The following ZNF616 variants were observed in gnomAD, a reference collection of about 807,000 sequenced individuals.
ZNF616 encodes zinc finger protein 616.
In ZNF616, 5 loss-of-function variants were observed where a neutral mutation model predicts 7.6. The ratio of observed to expected loss-of-function variants is 0.66; its 90% CI spans 0.34 to 1.38. ZNF616 has a LOEUF of 1.38. ZNF616 is among the 40% of genes most tolerant of loss of function. The pLI is 0.04. For missense variants in ZNF616, 913 were observed against 948.3 expected (o/e 0.96, Z 0.49); for synonymous variants, 319 against 317.2 (o/e 1.01, Z -0.06).
At chr19:52,126,092 T>G (rs1156976907) in intron 2 of ZNF616, among the ~76,000 whole-genome samples, 3 of 152,156 alleles carry the variant, frequency 2.0e-5, no homozygotes, top group Admixed American at 2.0e-4. Flanking sequence ...GGCAGCTGAT[T>G]TTTTCAAATG....
chr19:52,115,037 T>C lies in ZNF616; in HGVS notation c.2127A>G (p.Arg709=), dbSNP rs2088805414. ...TGTATCTTTTCTCTCCAGTGTGGAT[T>C]CTCTGGTGACTTACAAGATGTGAAC... ...RHSSHLVSHQ[R]IHTGEKRYKC... is the part of the protein sequence containing the mutation. Residue 709 remains arginine (R), a synonymous_variant, in exon 4 of 4, where the codon AGA becomes AGG. Coordinates refer to ENST00000600228, the MANE Select transcript of ZNF616 (RefSeq NM_178523.5). 1 of 1,614,056 alleles carries C rather than the reference T, an allele frequency of 6.2e-7. No homozygotes were observed. Among genetic ancestry groups the C allele is most frequent in the South Asian group, 1.1e-5 (1 of 91,090 alleles).
chr19:52,135,348 C>T (rs901249391), intron 1 of ZNF616, among the ~76,000 whole-genome samples: 2 of 152,186 alleles, frequency 1.3e-5, no homozygotes, highest in African/African-American at 4.8e-5. Context: ...CCCTTGAACA[C>T]TGGCACCACC....
In ZNF616 at chr19:52,114,582, A is replaced by G. The variant is rs777937855; in HGVS notation, c.*236T>C. On this transcript the variant is annotated 3_prime_UTR_variant, in exon 4 of 4. Transcript: ENST00000600228. ...GGCAAGCGACAGGGAAGTGCTATGC[A>G]CTTCTAAACAGCCAGACCTCAAGAG... The G allele has an allele frequency of 3.1e-5, 14 of 458,812 alleles. No individual in the cohort carries two copies. The highest frequency in any genetic ancestry group is 5.3e-5 in the Non-Finnish European group (14 of 261,690). 28.4% of individuals were successfully genotyped at this position (458,812 alleles called of 1,614,324 possible).
chr19:52,129,383 A>C (rs2088938115), intron 2 of ZNF616, among the ~76,000 whole-genome samples: 1 of 152,188 alleles, frequency 6.6e-6, no homozygotes, highest in African/African-American at 2.4e-5. Context: ...TTACCAAAAA[A>C]ACAAATATAT....
intron 3 of ZNF616, among the ~76,000 whole-genome samples, chr19:52,120,975 C>T (rs1221541652): frequency 6.6e-6 from 1 of 152,192 alleles, no homozygotes; most frequent in Non-Finnish European, 1.5e-5. Context: ...CAACGCATCT[C>T]CCAAAAACAG....
Position 52,114,557 on chromosome 19 carries a change from G to T in ZNF616, c.*261C>A. 1 of 362,164 alleles carries T rather than the reference G, an allele frequency of 2.8e-6. No homozygotes were observed. Among genetic ancestry groups the T allele is most frequent in the Non-Finnish European group, 5.0e-6 (1 of 201,172 alleles). The allele number at this position is 362,164 out of a possible 1,614,324, so 22.4% of individuals were successfully genotyped here. On this transcript the variant is annotated 3_prime_UTR_variant, in exon 4 of 4. Coordinates refer to ENST00000600228, the MANE Select transcript of ZNF616 (RefSeq NM_178523.5). ...CGGTATTTCACATGGTGAGAATGAG[G>T]GCAAGCGACAGGGAAGTGCTATGCA...
rs115040162 is a variant in ZNF616 at position 52,116,967 on chromosome 19, C to A, written c.197G>T (p.Gly66Val). 1 of 1,611,618 alleles carries A rather than the reference C, an allele frequency of 6.2e-7. No homozygotes were observed. The highest frequency in any genetic ancestry group is 1.3e-5 in the African/African-American group (1 of 74,896). ...CAGTGCCACTGTTTGGAACCTTTCT[C>A]CTGTATTACTGTTCTCTGTTGGTGG... ...ELPPTENSNT[G>V]ERFQTVALER... The change falls in exon 4 of 4, where the codon GGA becomes GTA. Residue 66 changes from glycine (G) to valine (V), a missense_variant. Physicochemically the swap from Gly to Val is moderately radical, Grantham distance 109. Transcript: ENST00000600228.
In ZNF616 at chr19:52,116,492, C is replaced by T; in HGVS notation, c.672G>A (p.Arg224=). Residue 224 remains arginine, a synonymous_variant, in exon 4 of 4, where the codon CGG becomes CGA. Coordinates refer to ENST00000600228, the MANE Select transcript of ZNF616 (RefSeq NM_178523.5). ...KCNECGKAFH[R]ASLLTVHKVV... is the part of the protein sequence containing the mutation. ...CCTTGTGTACAGTTAGTAGTGAGGC[C>T]CGATGAAAGGCTTTGCCACACTCAT... 1 of 1,613,912 alleles carries T rather than the reference C, an allele frequency of 6.2e-7. No individual in the cohort carries two copies. Among genetic ancestry groups the T allele is most frequent in the Middle Eastern group, 1.6e-4 (1 of 6,062 alleles).
At position 52,132,129 on chromosome 19, in the gene ZNF616, A is replaced by T. The variant is rs550657196; in HGVS notation, c.-76-1541T>A. On this transcript the variant is annotated intron_variant, in intron 1 of 3. Coordinates refer to ENST00000600228, the MANE Select transcript of ZNF616 (RefSeq NM_178523.5). ...TTTTAGGTAAATGTAACTTTTCTTT[A>T]TCATTTGAATTAAAACCCTTCTATA... 3.3e-5 allele frequency among the ~76,000 whole-genome samples: 5 copies of T among 152,316 alleles called. No individual in the cohort carries two copies. The East Asian group carries it at 9.6e-4, about 29-fold the overall frequency.
In ZNF616 at chr19:52,133,821, C is replaced by T. The variant is rs547333320; in HGVS notation, c.-76-3233G>A. On this transcript the variant is annotated intron_variant, in intron 1 of 3. Transcript: ENST00000600228. ...AGCCACCACGTCTGGCCCCATCACC[C>T]GGGTATTAAGCCTAATGTCTATTAG... Among the ~76,000 whole-genome samples, 71 of 152,134 alleles carry T rather than the reference C, an allele frequency of 4.7e-4. 1 individual carries two copies. Among genetic ancestry groups the T allele is most frequent in the Middle Eastern group, 3.4e-3 (1 of 294 alleles).
intron 1 of ZNF616, among the ~76,000 whole-genome samples, chr19:52,135,845 T>C (rs1232176595): frequency 6.6e-6 from 1 of 152,138 alleles, no homozygotes; most frequent in Non-Finnish European, 1.5e-5. Context: ...TCTTTGATGT[T>C]GGGCCGGGCA....
At chr19:52,137,816 C>A (rs73934993) in intron 1 of ZNF616, among the ~76,000 whole-genome samples, 1,767 of 152,226 alleles carry the variant, frequency 0.012, 38 homozygotes, top group African/African-American at 0.04. Context: ...ATGACATCAG[C>A]TGATTACAGG....
chr19:52,119,681 A>G (rs905042448), intron 3 of ZNF616, among the ~76,000 whole-genome samples: 11 of 152,168 alleles, frequency 7.2e-5, no homozygotes, highest in African/African-American at 2.7e-4. Context: ...TGGACAAAAA[A>G]AGAAACTAAT....
chr19:52,115,183 A>G lies in ZNF616; in HGVS notation c.1981T>C (p.Tyr661His). The G allele has an allele frequency of 5.6e-6, 9 of 1,614,168 alleles. No individual in the cohort carries two copies. The highest frequency in any genetic ancestry group is 6.8e-6 in the Non-Finnish European group (8 of 1,180,020). The change falls in exon 4 of 4, where the codon TAC (tyrosine) becomes CAC (histidine). Residue 661 changes from tyrosine to histidine, a missense_variant. Tyr to His is a moderately conservative substitution (Grantham distance 83, BLOSUM62 2). Transcript: ENST00000600228. The stretch of plus-strand genomic sequence containing the variant: ...GTTTTGCCACACTCATTACATTTGT[A>G]AGGTCTGTCTCCAGTATGAACAGTC... ...HQTVHTGDRPYKCNECGKTFK... is the reference protein window; with the variant it reads ...HQTVHTGDRPHKCNECGKTFK...
chr19:52,133,259 G>C (rs895382706), intron 1 of ZNF616, among the ~76,000 whole-genome samples: 1 of 152,142 alleles, frequency 6.6e-6, no homozygotes, highest in African/African-American at 2.4e-5. Context: ...AATTAGGGCA[G>C]AGTGGAAGGA....
Position 52,115,341 on chromosome 19 carries a change from TG to T in ZNF616, c.1822del (p.His608MetfsTer74), listed in dbSNP as rs1287636721. On this transcript the variant is annotated frameshift_variant, in exon 4 of 4. Coordinates refer to ENST00000600228, the MANE Select transcript of ZNF616 (RefSeq NM_178523.5). LOFTEE classifies it low-confidence loss of function (END_TRUNC). ...CTGATTAAAGGCTTTGCCACATTCA[TG>T]ACATTTGTATGGTTTCTCTCCAGTA... ...VHTGEKPYKCHECGKAFNQGS... is the reference protein window; with the variant it reads ...VHTGEKPYKCXECGKAFNQGS... The T allele has an allele frequency of 6.2e-7, 1 of 1,614,144 alleles. No homozygotes were observed. Among genetic ancestry groups the T allele is most frequent in the South Asian group, 1.1e-5 (1 of 91,090 alleles).
Position 52,116,763 on chromosome 19 carries a change from T to G in ZNF616, c.401A>C (p.Asn134Thr). Residue 134 changes from asparagine to threonine, a missense_variant, in exon 4 of 4, where the codon AAT becomes ACT. By Grantham distance (65) the Asn-to-Thr change is moderately conservative (BLOSUM62 0). Coordinates refer to ENST00000600228, the MANE Select transcript of ZNF616 (RefSeq NM_178523.5). ...DQHSQGDVEN[N>T]HIENQLTSNF... ...TGATGTAAGCTGGTTTTCAATATGA[T>G]TGTTTTCTACATCCCCTTGACTATG... 6.2e-7 allele frequency: 1 copy of G among 1,614,188 alleles called. No homozygotes were observed. Among genetic ancestry groups the G allele is most frequent in the Non-Finnish European group, 8.5e-7 (1 of 1,180,024 alleles).
chr19:52,131,923 C>T (rs955238432), intron 1 of ZNF616, among the ~76,000 whole-genome samples: 46 of 152,194 alleles, frequency 3.0e-4, no homozygotes, highest in African/African-American at 1.0e-3. Flanking sequence ...CCCAGGTAGA[C>T]ACCCTCGGCT....
At chr19:52,124,377 T>A (rs1379238063) in intron 2 of ZNF616, among the ~76,000 whole-genome samples, 2 of 152,232 alleles carry the variant, frequency 1.3e-5, no homozygotes, top group Non-Finnish European at 1.5e-5. Flanking sequence ...TGAGTGGTGT[T>A]TTCAGAGATG....
Sources: gnomAD v4.1 joint callset for allele counts (sites outside exome capture counted in the v4.1 genomes callset) on GRCh38, gnomAD v4.1.1 for gene constraint, MANE v1.5 for transcripts, NCBI Gene and HGNC (gene_info 2026-07-23, HGNC 2026-07-21) for gene names.